The following DHRSX variants were observed in gnomAD, a reference collection of about 807,000 sequenced individuals.
The protein encoded by DHRSX is dehydrogenase/reductase X-linked.
DHRSX carries 31 observed loss-of-function variants against 34.0 expected under a neutral mutation model. That is an observed-to-expected ratio of 0.91 (90% CI 0.69 to 1.23). The LOEUF (loss-of-function observed/expected upper bound fraction) is 1.23, where lower values mean the gene tolerates loss of function less well. DHRSX is among the 50% of genes most tolerant of loss of function. DHRSX has a pLI of 0.00. For missense variants in DHRSX, 414 were observed against 428.1 expected, an observed-to-expected ratio of 0.97 and a Z score of 0.29; for synonymous variants, 201 against 183.8, an observed-to-expected ratio of 1.09 and a Z score of -0.76.
chrX:2,291,197 T>C (rs749877950), intron 4 of DHRSX, among the ~76,000 whole-genome samples: 2 of 152,274 alleles, frequency 1.3e-5, no homozygotes, highest in Admixed American at 6.5e-5. Context: ...TTTTGTAAGA[T>C]AACATTTGGG....
intron 3 of DHRSX, among the ~76,000 whole-genome samples, chrX:2,342,254 T>G (rs1467380482): frequency 6.6e-6 from 1 of 152,078 alleles, no homozygotes; most frequent in Middle Eastern, 3.2e-3. Context: ...GAATTCTGGT[T>G]TCTGAATAGG....
intron 6 of DHRSX, among the ~76,000 whole-genome samples, chrX:2,234,774 G>A (rs1392701050): frequency 5.3e-5 from 8 of 152,152 alleles, no homozygotes; most frequent in African/African-American, 9.7e-5. Context: ...GCAGTGGCAC[G>A]ATCCCGGCTT....
chrX:2,425,126 C>T, intron 2 of DHRSX, 71 bp downstream of exon 2: 1 of 1,227,186 alleles, frequency 8.1e-7, no homozygotes, highest in Non-Finnish European at 1.2e-6. Flanking sequence ...GGTTGACGGA[C>T]TGCGATCCTG....
At chrX:2,488,529 G>A in intron 1 of DHRSX, 1 of 1,375,036 alleles carries the variant, frequency 7.3e-7, no homozygotes, top group Non-Finnish European at 9.8e-7. Context: ...GTCAAAGACA[G>A]TGGATGGTCT....
chrX:2,315,931 A>T (rs1479953698), intron 3 of DHRSX, among the ~76,000 whole-genome samples: 2 of 152,042 alleles, frequency 1.3e-5, no homozygotes, highest in South Asian at 2.1e-4. Context: ...TCGCGATCTC[A>T]GCTCACTGCA....
intron 3 of DHRSX, among the ~76,000 whole-genome samples, chrX:2,359,450 G>C (rs1279709956): frequency 6.6e-6 from 1 of 152,136 alleles, no homozygotes; most frequent in African/African-American, 2.4e-5. Context: ...GGCCAAGGCG[G>C]GTGGATCGCG....
intron 1 of DHRSX, among the ~76,000 whole-genome samples, chrX:2,468,954 G>A (rs1224530972): frequency 6.6e-6 from 1 of 151,748 alleles, no homozygotes; most frequent in Non-Finnish European, 1.5e-5. Flanking sequence ...TGTGGCTCAG[G>A]GACCACCACC....
intron 5 of DHRSX, among the ~76,000 whole-genome samples, chrX:2,260,171 T>C (rs1261877067): frequency 6.6e-6 from 1 of 151,996 alleles, no homozygotes; most frequent in East Asian, 1.9e-4. Flanking sequence ...CTTCTGTCTC[T>C]TTCCAAGAAC....
intron 1 of DHRSX, among the ~76,000 whole-genome samples, chrX:2,435,834 TAAAAAAC>T (rs2043984156): frequency 6.6e-6 from 1 of 152,178 alleles, no homozygotes; most frequent in South Asian, 2.1e-4. Flanking sequence ...ATTTCATTCT[TAAAAAAC>T]AGGAAAAACA....
chrX:2,483,086 C>T (rs1211501134), intron 1 of DHRSX, among the ~76,000 whole-genome samples: 1 of 152,080 alleles, frequency 6.6e-6, no homozygotes, highest in Non-Finnish European at 1.5e-5. Context: ...ATCGTGAACT[C>T]ATTTATTTAT....
intron 3 of DHRSX, chrX:2,337,788 C>T (rs2042587156): frequency 1.3e-5 from 2 of 152,060 alleles, no homozygotes; most frequent in African/African-American, 4.8e-5. Flanking sequence ...GCACACTTAA[C>T]AAGCACGTCA....
At chrX:2,497,992 G>A (rs180695731) in intron 1 of DHRSX, among the ~76,000 whole-genome samples, 46 of 152,286 alleles carry the variant, frequency 3.0e-4, no homozygotes, top group Non-Finnish European at 5.6e-4. Flanking sequence ...CACAGAGACA[G>A]ACCCTCTTAT....
intron 3 of DHRSX, among the ~76,000 whole-genome samples, chrX:2,314,341 A>AGGGAAGGAGGG (rs1219667767): frequency 3.4e-4 from 1 of 2,902 alleles, no homozygotes; most frequent in African/African-American, 2.4e-3. Flanking sequence ...GGAGGGAGGG[A>AGGGAAGGAGGG]AAGGAGGGAG....
chrX:2,436,425 G>A (rs2043991500), intron 1 of DHRSX, among the ~76,000 whole-genome samples: 1 of 150,102 alleles, frequency 6.7e-6, no homozygotes, highest in African/African-American at 2.4e-5. Flanking sequence ...TGGTGCAAAA[G>A]TTAATGGCAA....
chrX:2,337,630 T>C (rs929299503), intron 3 of DHRSX, among the ~76,000 whole-genome samples: 1 of 151,960 alleles, frequency 6.6e-6, no homozygotes, highest in Non-Finnish European at 1.5e-5. Context: ...ACCTCTTAGA[T>C]GGGCCTTAAA....
intron 3 of DHRSX, among the ~76,000 whole-genome samples, chrX:2,314,437 GGAA>G (rs1169050771): frequency 6.7e-5 from 8 of 120,020 alleles, no homozygotes; most frequent in African/African-American, 3.9e-4. Context: ...GGAGAAGGGA[GGAA>G]GGAAGGGGAG....
intron 3 of DHRSX, among the ~76,000 whole-genome samples, chrX:2,364,093 T>A (rs766106815): frequency 6.6e-6 from 1 of 151,614 alleles, no homozygotes; most frequent in East Asian, 1.9e-4. Context: ...AGGCTGGGAG[T>A]CCCTTTCCAG....
chrX:2,231,836 C>T (rs2015894007), intron 6 of DHRSX, among the ~76,000 whole-genome samples: 1 of 147,406 alleles, frequency 6.8e-6, no homozygotes, highest in African/African-American at 2.5e-5. Context: ...TCTTTCTCCT[C>T]TTTCTCATTT....
intron 5 of DHRSX, among the ~76,000 whole-genome samples, chrX:2,262,313 T>C (rs1423083868): frequency 6.6e-6 from 1 of 152,184 alleles, no homozygotes; most frequent in African/African-American, 2.4e-5. Flanking sequence ...AAACAGGAAA[T>C]GCCCCAGCCA....
Sources: allele counts gnomAD v4.1 joint callset (sites outside exome capture counted in the v4.1 genomes callset), GRCh38; gene constraint gnomAD v4.1.1; transcripts MANE v1.5; gene names NCBI Gene and HGNC (gene_info 2026-07-23, HGNC 2026-07-21).